URB1: variants seen among roughly 807,000 people sequenced by gnomAD.
URB1 encodes the protein nucleolar pre-ribosomal-associated protein 1.
Under a neutral mutation model 242.3 loss-of-function variants are expected in URB1, and 197 were observed. The ratio of observed to expected loss-of-function variants is 0.81; its 90% CI spans 0.72 to 0.91. The LOEUF is 0.91. URB1 is among the 40% of genes least tolerant of loss of function. The pLI, the probability that URB1 is intolerant of heterozygous loss-of-function variation, is 0.00. For synonymous variants in URB1, 1,153 were observed against 1,201.8 expected (o/e 0.96, Z 0.84); for missense variants, 2,721 against 2,860.5 (o/e 0.95, Z 1.11).
At chr21:32,347,901 G>C in intron 21 of URB1, 90 bp from the exon 22 acceptor site, 1 of 1,441,088 alleles carries the variant, frequency 6.9e-7, no homozygotes. Context: ...ACTGTTGTTA[G>C]CGAGACAGAG....
chr21:32,335,990 A>G lies in URB1; in HGVS notation c.4685+1104T>C, dbSNP rs139183220. ...TGCTGTGTTAGAGGTCGTTCTGCAG[A>G]AATGGGTAGCTGGAACAATGCTGCA... On this transcript the variant is annotated intron_variant, in intron 28 of 38. Coordinates refer to ENST00000382751, the MANE Select transcript of URB1 (RefSeq NM_014825.3). Among the ~76,000 whole-genome samples the G allele has an allele frequency of 1.5e-3, 232 of 152,242 alleles. 1 individual carries two copies. The Middle Eastern group carries it at 0.027, about 18-fold the overall frequency.
At chr21:32,341,443 C>A (rs1382935635) in intron 25 of URB1, 23 bp downstream of exon 25, 2 of 1,550,862 alleles carry the variant, frequency 1.3e-6, no homozygotes, top group Middle Eastern at 1.7e-4. Context: ...CCGAAGGGCA[C>A]CAAGAAAATA....
rs2032702376 is a variant in URB1, at chr21:32,317,202, G to A, written c.6035-137C>T. On this transcript the variant is annotated intron_variant, in intron 37 of 38. Coordinates refer to ENST00000382751, the MANE Select transcript of URB1 (RefSeq NM_014825.3). ...GCACCCGGCCCTGCTCCCACGTCAG[G>A]AGCCTGGTGAGTGCTCGATGTTTCA... The A allele has an allele frequency of 9.1e-6, 11 of 1,212,554 alleles. No individual in the cohort carries two copies. In the East Asian group the frequency reaches 1.0e-4, roughly 11 times the overall value. 75.1% of individuals were successfully genotyped at this position (1,212,554 alleles called of 1,614,324 possible). A position where few individuals can be genotyped will look rare whatever the true frequency, so the allele number is the denominator to read the frequency against.
In URB1 at chr21:32,366,713, T is replaced by C; in HGVS notation, c.1240A>G (p.Arg414Gly). The part of the protein sequence containing the change: ...QPEISRAFQT[R>G]EFIPLPRLLA... ...AGCCGAGGCAAGGGTATAAACTCTC[T>C]GGTCTGAAATGCCCGGGAAATCTCC... Residue 414 changes from arginine to glycine, a missense_variant, in exon 10 of 39, where the codon AGA becomes GGA. By Grantham distance (125) the Arg-to-Gly change is moderately radical. Transcript: ENST00000382751. The C allele has an allele frequency of 1.3e-6, 2 of 1,551,536 alleles. No individual in the cohort carries two copies. Among genetic ancestry groups the C allele is most frequent in the Non-Finnish European group, 1.7e-6 (2 of 1,146,874 alleles).
intron 10 of URB1, among the ~76,000 whole-genome samples, chr21:32,365,628 T>C (rs756285156): frequency 1.3e-5 from 2 of 152,180 alleles, no homozygotes; most frequent in Non-Finnish European, 2.9e-5. Context: ...TACGATGATT[T>C]GACAAACACA....
At chr21:32,320,423 G>A (rs973123730) in intron 35 of URB1, 108 bp downstream of exon 35, 28 of 829,056 alleles carry the variant, frequency 3.4e-5, no homozygotes, top group Non-Finnish European at 4.9e-5. Flanking sequence ...CAGAGAGCAT[G>A]GATTTTACTG....
rs1449864006 is a variant in URB1 at position 32,366,738 on chromosome 21, C to T, written c.1215G>A (p.Pro405=). Residue 405 remains proline, a synonymous_variant, in exon 10 of 39, where the codon CCG becomes CCA. Coordinates refer to ENST00000382751, the MANE Select transcript of URB1 (RefSeq NM_014825.3). ...TGGTCTGAAATGCCCGGGAAATCTCCGGCTGAGCCTCATAGATCTAGGAAA... is the reference window on the plus strand; with the variant it reads ...TGGTCTGAAATGCCCGGGAAATCTCTGGCTGAGCCTCATAGATCTAGGAAA... ...KLLNKIYEAQ[P]EISRAFQTRE... is the part of the protein sequence containing the mutation. 7.1e-6 allele frequency: 11 copies of T among 1,551,492 alleles called. No homozygotes were observed. Among genetic ancestry groups the T allele is most frequent in the South Asian group, 3.6e-5 (3 of 84,032 alleles).
intron 15 of URB1, among the ~76,000 whole-genome samples, chr21:32,357,172 C>T (rs2833785): frequency 0.082 from 12,534 of 152,138 alleles, 911 homozygotes; most frequent in African/African-American, 0.16. Context: ...GACCCATGTG[C>T]TGTGGGTGAT....
At chr21:32,338,185 G>A (rs1272122263) in intron 26 of URB1, among the ~76,000 whole-genome samples, 1 of 152,102 alleles carries the variant, frequency 6.6e-6, no homozygotes, top group Admixed American at 6.5e-5. Context: ...AGGAACCCTC[G>A]GATTATCTTC....
intron 30 of URB1, 53 bp downstream of exon 30, chr21:32,333,264 C>A: frequency 7.8e-6 from 11 of 1,419,122 alleles, no homozygotes; most frequent in Non-Finnish European, 9.7e-6. Flanking sequence ...ATCAACCTGA[C>A]CTCTGAGAAG....
intron 36 of URB1, among the ~76,000 whole-genome samples, chr21:32,318,934 G>GACCTC (rs2032726797): frequency 6.6e-6 from 1 of 152,100 alleles, no homozygotes; most frequent in Admixed American, 6.5e-5. Context: ...AGCTAAAAAT[G>GACCTC]ACCTCGTACG....
intron 14 of URB1, 65 bp downstream of exon 14, chr21:32,359,731 G>A: frequency 1.4e-6 from 2 of 1,417,538 alleles, no homozygotes; most frequent in South Asian, 1.4e-5. Context: ...CAATTCATCA[G>A]GCCAAGAAGC....
chr21:32,317,137 G>A lies in URB1; in HGVS notation c.6035-72C>T, dbSNP rs988403173. On this transcript the variant is annotated intron_variant, in intron 37 of 38. Coordinates refer to ENST00000382751, the MANE Select transcript of URB1 (RefSeq NM_014825.3). ...CCCACACAGATCCAGATGTGGGGAGGTGTCAATGGGGGACACGAGGGGCGG... is the reference window on the plus strand; with the variant it reads ...CCCACACAGATCCAGATGTGGGGAGATGTCAATGGGGGACACGAGGGGCGG... 34 of 1,446,880 alleles carry A rather than the reference G, an allele frequency of 2.3e-5. No homozygotes were observed. The African/African-American group carries it at 4.4e-4, about 19-fold the overall frequency. 89.6% of individuals were successfully genotyped at this position (1,446,880 alleles called of 1,614,324 possible). A position where few individuals can be genotyped will look rare whatever the true frequency, so the allele number is the denominator to read the frequency against.
chr21:32,311,618 A>G lies in URB1; in HGVS notation c.*3300T>C. Reference sequence around the variant, plus strand: ...TGGCAGGTGTGGCAGGAAACCCCCCAGCCCCACAGTATGGACTGTTCTGCA... The same window carrying G: ...TGGCAGGTGTGGCAGGAAACCCCCCGGCCCCACAGTATGGACTGTTCTGCA... On this transcript the variant is annotated 3_prime_UTR_variant, in exon 39 of 39. Coordinates refer to ENST00000382751, the MANE Select transcript of URB1 (RefSeq NM_014825.3). 6.4e-7 allele frequency: 1 copy of G among 1,562,516 alleles called. No homozygotes were observed. Among genetic ancestry groups the G allele is most frequent in the East Asian group, 2.2e-5 (1 of 44,526 alleles).
chr21:32,351,065 T>C (rs2033152187), intron 19 of URB1, 143 bp from the exon 20 acceptor site: 2 of 883,318 alleles, frequency 2.3e-6, no homozygotes, highest in South Asian at 3.4e-5. Context: ...CGGGACCGTG[T>C]GGCATTTTAC....
At chr21:32,334,371 G>T in intron 28 of URB1, 37 bp from the exon 29 acceptor site, 3 of 1,517,634 alleles carry the variant, frequency 2.0e-6, no homozygotes, top group African/African-American at 2.8e-5. Context: ...TGGTCACAGA[G>T]CCCCCCGGGA....
chr21:32,320,039 G>A (rs7278313), intron 35 of URB1, among the ~76,000 whole-genome samples: 1 of 152,154 alleles, frequency 6.6e-6, no homozygotes, highest in South Asian at 2.1e-4. Flanking sequence ...AAATCATCAA[G>A]TTCAGACCCC....
Position 32,385,015 on chromosome 21 carries a change from G to GAAAAGA in URB1, c.282+529_282+530insTCTTTT, listed in dbSNP as rs553242971. Among the ~76,000 whole-genome samples the GAAAAGA allele has an allele frequency of 8.0e-4, 109 of 137,074 alleles. No individual in the cohort carries two copies. In the Middle Eastern group the frequency reaches 0.011, roughly 13 times the overall value. 89.9% of individuals were successfully genotyped at this position (137,074 alleles called of 152,430 possible). On this transcript the variant is annotated intron_variant, in intron 2 of 38. Coordinates refer to ENST00000382751, the MANE Select transcript of URB1 (RefSeq NM_014825.3). Reference sequence around the variant, plus strand: ...AGAAAAGAAAAGAAAAGAAAAGAAAGAAAGAAAGAAAGAAAGAAAGAACAG... The same window carrying GAAAAGA: ...AGAAAAGAAAAGAAAAGAAAAGAAAGAAAAGAAAAGAAAGAAAGAAAGAAAGAACAG...
At chr21:32,366,560 G>A (rs185345675) in intron 10 of URB1, 58 bp downstream of exon 10, 2 of 1,545,098 alleles carry the variant, frequency 1.3e-6, no homozygotes, top group East Asian at 4.9e-5. Flanking sequence ...ATCACATCAT[G>A]TAGCCAGCGA....
Sources: allele counts gnomAD v4.1 joint callset (sites outside exome capture counted in the v4.1 genomes callset), GRCh38; gene constraint gnomAD v4.1.1; transcripts MANE v1.5; gene names NCBI Gene and HGNC (gene_info 2026-07-23, HGNC 2026-07-21).